The following LRMDA variants were observed in gnomAD, a reference collection of about 807,000 sequenced individuals.
The protein encoded by LRMDA is leucine-rich melanocyte differentiation-associated protein.
LRMDA carries 18 observed loss-of-function variants against 29.8 expected under a neutral mutation model. That is an observed-to-expected ratio of 0.60 (90% CI 0.42 to 0.90). LRMDA has a LOEUF of 0.90. LRMDA is among the 40% of genes least tolerant of loss of function. The pLI is 0.00. For synonymous variants in LRMDA, 125 were observed against 109.4 expected, an observed-to-expected ratio of 1.14 and a Z score of -0.89; for missense variants, 273 against 273.9, an observed-to-expected ratio of 1.00 and a Z score of 0.02.
intron 5 of LRMDA, among the ~76,000 whole-genome samples, chr10:76,249,685 T>C (rs1852438100): frequency 6.6e-6 from 1 of 152,246 alleles, no homozygotes; most frequent in African/African-American, 2.4e-5. Flanking sequence ...GATCACTTAA[T>C]ATTTTTTAAT....
chr10:76,206,074 G>C (rs923718855), intron 5 of LRMDA, among the ~76,000 whole-genome samples: 1 of 152,102 alleles, frequency 6.6e-6, no homozygotes, highest in African/African-American at 2.4e-5. Flanking sequence ...TCCTCCCGTC[G>C]ATCAAAAGAC....
chr10:76,556,332 T>A (rs182681296), intron 6 of LRMDA: 8 of 152,238 alleles, frequency 5.3e-5, no homozygotes, highest in African/African-American at 1.9e-4. Context: ...TTCCTGTCCA[T>A]GTGGTGTTTT....
At chr10:75,940,914 T>C (rs1331061963) in intron 2 of LRMDA, among the ~76,000 whole-genome samples, 2 of 152,090 alleles carry the variant, frequency 1.3e-5, no homozygotes, top group East Asian at 3.9e-4. Context: ...GGGTTTGTTA[T>C]ATCTGAATGG....
chr10:75,847,741 A>T (rs1214775638), intron 2 of LRMDA, among the ~76,000 whole-genome samples: 1 of 152,228 alleles, frequency 6.6e-6, no homozygotes, highest in Non-Finnish European at 1.5e-5. Context: ...ACATGAAAAT[A>T]TCACATGATT....
intron 5 of LRMDA, among the ~76,000 whole-genome samples, chr10:76,093,887 A>G (rs578006339): frequency 6.6e-6 from 1 of 152,268 alleles, no homozygotes; most frequent in South Asian, 2.1e-4. Context: ...CATTAATAAC[A>G]GTGGTGTTGA....
At chr10:75,685,250 G>C (rs1034655068) in intron 2 of LRMDA, among the ~76,000 whole-genome samples, 1 of 152,026 alleles carries the variant, frequency 6.6e-6, no homozygotes, top group African/African-American at 2.4e-5. Flanking sequence ...AAAAAAAAAG[G>C]TGCCTCACTG....
At chr10:76,039,119 C>G (rs1848300701) in intron 3 of LRMDA, among the ~76,000 whole-genome samples, 1 of 152,234 alleles carries the variant, frequency 6.6e-6, no homozygotes, top group Admixed American at 6.5e-5. Context: ...CAACTTATAT[C>G]ATGTGTTAAT....
At chr10:76,255,753 G>A (rs1212790344) in intron 5 of LRMDA, among the ~76,000 whole-genome samples, 2 of 152,136 alleles carry the variant, frequency 1.3e-5, no homozygotes, top group African/African-American at 4.8e-5. Context: ...GATACATTGT[G>A]CTGAATGAAA....
intron 6 of LRMDA, among the ~76,000 whole-genome samples, chr10:76,492,594 G>A (rs1290502890): frequency 6.6e-6 from 1 of 152,016 alleles, no homozygotes; most frequent in East Asian, 1.9e-4. Context: ...GACTCTGTTG[G>A]GTTAGACCTT....
chr10:75,518,481 T>C (rs1406549826), intron 2 of LRMDA, among the ~76,000 whole-genome samples: 1 of 152,238 alleles, frequency 6.6e-6, no homozygotes, highest in Non-Finnish European at 1.5e-5. Flanking sequence ...TTCTAGTTTA[T>C]TTGCCTAGAG....
At chr10:76,363,176 A>AGAAAGGAGGGAGGGAGGGAG (rs1459442138) in intron 6 of LRMDA, among the ~76,000 whole-genome samples, 1 of 21,784 alleles carries the variant, frequency 4.6e-5, no homozygotes, top group Non-Finnish European at 1.2e-4. Context: ...AAAGAAAGAA[A>AGAAAGGAGGGAGGGAGGGAG]GGAGGGAGGG....
Position 76,011,270 on chromosome 10 carries a change from A to G in LRMDA, c.132-24738A>G, listed in dbSNP as rs1589287877. ...AGGAGGATTTTCATCCATTTATCAC[A>G]AAAGACCCCAACAGCCAGTCAGGAA... On this transcript the variant is annotated intron_variant, in intron 2 of 6. Coordinates refer to ENST00000611255, the MANE Select transcript of LRMDA (RefSeq NM_001305581.2). 2.0e-5 allele frequency among the ~76,000 whole-genome samples: 3 copies of G among 152,334 alleles called. No individual in the cohort carries two copies. In the South Asian group the frequency reaches 6.2e-4, roughly 32 times the overall value.
chr10:76,059,609 T>A (rs1037703370), intron 5 of LRMDA, among the ~76,000 whole-genome samples: 2 of 152,208 alleles, frequency 1.3e-5, no homozygotes, highest in Non-Finnish European at 2.9e-5. Flanking sequence ...TCCCATGAGA[T>A]TGCAACTTGT....
intron 5 of LRMDA, among the ~76,000 whole-genome samples, chr10:76,197,877 G>A (rs1274676983): frequency 6.6e-6 from 1 of 151,348 alleles, no homozygotes; most frequent in Non-Finnish European, 1.5e-5. Context: ...TCGAGATCGC[G>A]CCACCACACT....
At chr10:76,543,743 C>G (rs1843386147) in intron 6 of LRMDA, among the ~76,000 whole-genome samples, 2 of 152,310 alleles carry the variant, frequency 1.3e-5, no homozygotes, top group East Asian at 3.9e-4. Flanking sequence ...ACTTCTGCCA[C>G]CCCCTCGCCA....
At chr10:75,716,920 A>T (rs1480522512) in intron 2 of LRMDA, among the ~76,000 whole-genome samples, 1 of 152,194 alleles carries the variant, frequency 6.6e-6, no homozygotes, top group Non-Finnish European at 1.5e-5. Flanking sequence ...GTGAGCAGTG[A>T]ATCAGTCTTG....
At chr10:76,226,650 A>G (rs1851963851) in intron 5 of LRMDA, among the ~76,000 whole-genome samples, 1 of 152,230 alleles carries the variant, frequency 6.6e-6, no homozygotes, top group South Asian at 2.1e-4. Context: ...TCACAAGAAC[A>G]GCATGGTGAA....
chr10:76,454,353 G>A (rs953654386), intron 6 of LRMDA, among the ~76,000 whole-genome samples: 1 of 152,146 alleles, frequency 6.6e-6, no homozygotes, highest in African/African-American at 2.4e-5. Context: ...GAAAGTAGCA[G>A]TGTCTGCATT....
At chr10:76,233,392 A>G (rs145446385) in intron 5 of LRMDA, among the ~76,000 whole-genome samples, 42 of 152,266 alleles carry the variant, frequency 2.8e-4, no homozygotes, top group African/African-American at 9.9e-4. Flanking sequence ...TTTGCTGGTG[A>G]AGGGTATTGT....
Sources: allele counts gnomAD v4.1 joint callset (sites outside exome capture counted in the v4.1 genomes callset), GRCh38; gene constraint gnomAD v4.1.1; transcripts MANE v1.5; gene names NCBI Gene and HGNC (gene_info 2026-07-23, HGNC 2026-07-21).